The following CCDC106 variants were observed in gnomAD, a reference collection of about 807,000 sequenced individuals.
The protein encoded by CCDC106 is coiled-coil domain-containing protein 106.
In CCDC106, 17 loss-of-function variants were observed where a neutral mutation model predicts 24.7. That is an observed-to-expected ratio of 0.69 (90% CI 0.47 to 1.03). The LOEUF (loss-of-function observed/expected upper bound fraction) is 1.03. CCDC106 is among the 50% of genes least tolerant of loss of function. CCDC106 has a pLI of 0.00. For synonymous variants in CCDC106, 211 were observed against 161.3 expected (o/e 1.31, Z -2.34); for missense variants, 337 against 388.9 (o/e 0.87, Z 1.12).
At position 55,652,319 on chromosome 19, in the gene CCDC106, TGC is replaced by T. The variant is rs1568543250; in HGVS notation, c.527-110_527-109del. On this transcript the variant is annotated intron_variant, in intron 4 of 4. Coordinates refer to ENST00000586790, the MANE Select transcript of CCDC106 (RefSeq NM_001370470.1). This position sits in a 1 kb window ranked among gnomAD's most constrained non-coding sequence, Gnocchi z 5.9. Reference sequence around the variant, plus strand: ...CTCCGTCTCCACCTGCACCGGCCCGTGCCTCTGCTCGCCGAGATCCTTTCTTC... The same window carrying T: ...CTCCGTCTCCACCTGCACCGGCCCGTCTCTGCTCGCCGAGATCCTTTCTTC... The T allele has an allele frequency of 1.1e-6, 1 of 903,422 alleles. No individual in the cohort carries two copies. Among genetic ancestry groups the T allele is most frequent in the African/African-American group, 1.7e-5 (1 of 59,306 alleles). 56.0% of individuals were successfully genotyped at this position (903,422 alleles called of 1,614,324 possible).
At position 55,652,349 on chromosome 19, in the gene CCDC106, A is replaced by C. The variant is rs1983365243; in HGVS notation, c.527-81A>C. On this transcript the variant is annotated intron_variant, in intron 4 of 4. Coordinates refer to ENST00000586790, the MANE Select transcript of CCDC106 (RefSeq NM_001370470.1). This position sits in a 1 kb window ranked among gnomAD's most constrained non-coding sequence, Gnocchi z 5.9. Reference sequence around the variant, plus strand: ...CTGCTCGCCGAGATCCTTTCTTCCCATGGCCGTTTCCCTTCCCGTGTCCGC... The same window carrying C: ...CTGCTCGCCGAGATCCTTTCTTCCCCTGGCCGTTTCCCTTCCCGTGTCCGC... The C allele has an allele frequency of 7.9e-7, 1 of 1,261,496 alleles. No homozygotes were observed. Among genetic ancestry groups the C allele is most frequent in the South Asian group, 1.4e-5 (1 of 70,850 alleles). 78.1% of individuals were successfully genotyped at this position (1,261,496 alleles called of 1,614,324 possible).
At position 55,652,153 on chromosome 19, in the gene CCDC106, G is replaced by A. The variant is rs911467313; in HGVS notation, c.527-277G>A. ...GGCTCGGGGTGTCGGGGGGTGCTGGGACCGCGTGGGTTGAACCCGGCCTCT... is the reference window on the plus strand; with the variant it reads ...GGCTCGGGGTGTCGGGGGGTGCTGGAACCGCGTGGGTTGAACCCGGCCTCT... On this transcript the variant is annotated intron_variant, in intron 4 of 4. Transcript: ENST00000586790. The surrounding 1 kb of genome is among the most constrained non-coding windows in gnomAD (Gnocchi z 5.9). 1.3e-5 allele frequency among the ~76,000 whole-genome samples: 2 copies of A among 151,952 alleles called. No homozygotes were observed. Among genetic ancestry groups the A allele is most frequent in the Non-Finnish European group, 2.9e-5 (2 of 67,976 alleles).
At position 55,651,365 on chromosome 19, in the gene CCDC106, T is replaced by C. The variant is rs748844748; in HGVS notation, c.396T>C (p.Pro132=). 6.2e-6 allele frequency: 10 copies of C among 1,612,648 alleles called. No homozygotes were observed. In the South Asian group the frequency reaches 1.1e-4, roughly 18 times the overall value. Residue 132 remains proline, a synonymous_variant, in exon 4 of 5, where the codon CCT becomes CCC. Transcript: ENST00000586790. ...GGGCTGGGGGCGAGGCCTCGGACCC[T>C]GAGTCAGCAGCCTCCTCCCTCAGCG... ...RGGAGGEASD[P]ESAASSLSGA...
Position 55,651,289 on chromosome 19 carries a change from A to C in CCDC106, c.320A>C (p.His107Pro), listed in dbSNP as rs778154930. The C allele has an allele frequency of 6.2e-7, 1 of 1,612,358 alleles. No homozygotes were observed. Among genetic ancestry groups the C allele is most frequent in the Admixed American group, 1.7e-5 (1 of 60,022 alleles). ...TGTGTCTCCATCTCCCCAGAGGACC[A>C]CTGCCGGATGAAGCCTGGGCCCAGG... ...ISSARMEAED[H>P]CRMKPGPRRM... The change falls in exon 4 of 5, where the codon CAC becomes CCC. Residue 107 changes from histidine (H) to proline (P), a missense_variant. Around this residue, in one of 2 missense-constraint regions of CCDC106, gnomAD observed 234 missense variants for 236.5 expected, o/e 0.99. Transcript: ENST00000586790.
intron 3 of CCDC106, among the ~76,000 whole-genome samples, chr19:55,650,423 A>G (rs1302297669): frequency 2.6e-5 from 4 of 152,130 alleles, no homozygotes; most frequent in Non-Finnish European, 4.4e-5. Flanking sequence ...CCGACAGCCC[A>G]TGGCCTGGAG....
chr19:55,652,400 C>T lies in CCDC106; in HGVS notation c.527-30C>T, dbSNP rs979630047. 1 of 1,562,902 alleles carries T rather than the reference C, an allele frequency of 6.4e-7. No individual in the cohort carries two copies. Among genetic ancestry groups the T allele is most frequent in the Non-Finnish European group, 8.7e-7 (1 of 1,149,152 alleles). ...CCCCTCAGTCTTGTGCCCTGCCCCT[C>T]ACTTTCGTGTCCCCGCCTCCACCCC... On this transcript the variant is annotated intron_variant, in intron 4 of 4. Coordinates refer to ENST00000586790, the MANE Select transcript of CCDC106 (RefSeq NM_001370470.1). The surrounding 1 kb of genome is among the most constrained non-coding windows in gnomAD (Gnocchi z 5.9).
In CCDC106 at chr19:55,648,535, T is replaced by G; in HGVS notation, c.-512T>G. 1.9e-5 allele frequency: 3 copies of G among 156,104 alleles called. No homozygotes were observed. The highest frequency in any genetic ancestry group is 6.1e-5 in the Admixed American group (1 of 16,390). The allele number at this position is 156,104 out of a possible 1,614,324, so 9.7% of individuals were successfully genotyped here. A position where few individuals can be genotyped will look rare whatever the true frequency, so the allele number is the denominator to read the frequency against. On this transcript the variant is annotated 5_prime_UTR_variant, in exon 1 of 5. Coordinates refer to ENST00000586790, the MANE Select transcript of CCDC106 (RefSeq NM_001370470.1). ...CGCCCACGCGAGTGCGGGGGAGGGG[T>G]GTGGGGGCCCCGAAGGTAGAGGAGG...
upstream of CCDC106, chr19:55,648,086 T>C (rs1007437969): frequency 1.3e-5 from 2 of 152,270 alleles, no homozygotes; most frequent in African/African-American, 4.8e-5. Flanking sequence ...GGCGCTAGCC[T>C]GGCCCGACTG....
At chr19:55,647,472 T>C (rs1366767189), upstream of CCDC106, among the ~76,000 whole-genome samples, 1 of 152,322 alleles carries the variant, frequency 6.6e-6, no homozygotes, top group East Asian at 1.9e-4. Context: ...AGCGCTCCTC[T>C]CTTCAGCCCT....
At chr19:55,650,468 C>T (rs928901240) in intron 3 of CCDC106, among the ~76,000 whole-genome samples, 32 of 152,214 alleles carry the variant, frequency 2.1e-4, no homozygotes, top group Admixed American at 1.3e-4. Context: ...CTCATCTCAG[C>T]CTTGCTAGCT....
In CCDC106 at chr19:55,651,381, T is replaced by C. The variant is rs761660396; in HGVS notation, c.412T>C (p.Ser138Pro). Residue 138 changes from serine to proline, a missense_variant, in exon 4 of 5, where the codon TCC (serine) becomes CCC (proline). This residue lies in a region of CCDC106 where 234 missense variants were observed against 236.5 expected (regional missense o/e 0.99). Coordinates refer to ENST00000586790, the MANE Select transcript of CCDC106 (RefSeq NM_001370470.1). ...EASDPESAAS[S>P]LSGASEEGSA... ...CTCGGACCCTGAGTCAGCAGCCTCC[T>C]CCCTCAGCGGAGCGTCCGAAGAAGG... 2 of 1,612,170 alleles carry C rather than the reference T, an allele frequency of 1.2e-6. No homozygotes were observed. Among genetic ancestry groups the C allele is most frequent in the Non-Finnish European group, 1.7e-6 (2 of 1,179,278 alleles).
Position 55,649,225 on chromosome 19 carries a change from G to A in CCDC106, c.52G>A (p.Glu18Lys), listed in dbSNP as rs559216380. The A allele has an allele frequency of 7.4e-6, 12 of 1,613,852 alleles. No individual in the cohort carries two copies. In the South Asian group the frequency reaches 1.1e-4, roughly 15 times the overall value. The stretch of plus-strand genomic sequence containing the variant: ...TCCAGTGAAGGACGATGAGACCTTC[G>A]AGATCTCCATTCCCTTCGATGAGGC... Reference protein sequence around the residue: ...RRTMKDDETFEISIPFDEAPH... With the variant: ...RRTMKDDETFKISIPFDEAPH... The change falls in exon 2 of 5, where the codon GAG becomes AAG. Residue 18 changes from glutamate to lysine, a missense_variant. Glu to Lys is a moderately conservative substitution (Grantham distance 56). Coordinates refer to ENST00000586790, the MANE Select transcript of CCDC106 (RefSeq NM_001370470.1).
chr19:55,652,331 C>T lies in CCDC106; in HGVS notation c.527-99C>T, dbSNP rs1338971259. 3 of 1,094,516 alleles carry T rather than the reference C, an allele frequency of 2.7e-6. No homozygotes were observed. Among genetic ancestry groups the T allele is most frequent in the Non-Finnish European group, 2.6e-6 (2 of 755,386 alleles). The allele number at this position is 1,094,516 out of a possible 1,614,324, so 67.8% of individuals were successfully genotyped here. A position where few individuals can be genotyped will look rare whatever the true frequency, so the allele number is the denominator to read the frequency against. On this transcript the variant is annotated intron_variant, in intron 4 of 4. Coordinates refer to ENST00000586790, the MANE Select transcript of CCDC106 (RefSeq NM_001370470.1). This position sits in a 1 kb window ranked among gnomAD's most constrained non-coding sequence, Gnocchi z 5.9. ...CTGCACCGGCCCGTGCCTCTGCTCG[C>T]CGAGATCCTTTCTTCCCATGGCCGT... is the stretch of plus-strand genomic sequence containing the variant.
intron 4 of CCDC106, 145 bp downstream of exon 4, chr19:55,651,640 T>C: frequency 1.6e-6 from 1 of 618,596 alleles, no homozygotes; most frequent in Non-Finnish European, 2.9e-6. Context: ...CTCCTCCACG[T>C]GTGGTCCTGG....
At position 55,653,014 on chromosome 19, in the gene CCDC106, A is replaced by T. The variant is rs1600061341; in HGVS notation, c.*268A>T. ...CAGGCAGGCGGGTGCCCCCCCCTCG[A>T]GTGGGGGACTGTACAGACCCCGTCT... On this transcript the variant is annotated 3_prime_UTR_variant, in exon 5 of 5. Coordinates refer to ENST00000586790, the MANE Select transcript of CCDC106 (RefSeq NM_001370470.1). 1 of 466,294 alleles carries T rather than the reference A, an allele frequency of 2.1e-6. No homozygotes were observed. The highest frequency in any genetic ancestry group is 4.1e-5 in the East Asian group (1 of 24,432). The allele number at this position is 466,294 out of a possible 1,614,324, so 28.9% of individuals were successfully genotyped here.
intron 3 of CCDC106, among the ~76,000 whole-genome samples, chr19:55,650,055 C>T (rs1004878181): frequency 1.3e-5 from 2 of 152,120 alleles, no homozygotes; most frequent in African/African-American, 2.4e-5. Context: ...TCCTCCTGTC[C>T]CCCCCTCCCC....
rs1983352297 is a variant in CCDC106 at position 55,652,277 on chromosome 19, C to G, written c.527-153C>G. 6.6e-6 allele frequency among the ~76,000 whole-genome samples: 1 copy of G among 151,838 alleles called. No homozygotes were observed. The stretch of plus-strand genomic sequence containing the variant: ...GCGATTCTTCCCCTCCTCTCTGCCC[C>G]TTCCTTGCCTGTTGTTCTCCGTCTC... On this transcript the variant is annotated intron_variant, in intron 4 of 4. Coordinates refer to ENST00000586790, the MANE Select transcript of CCDC106 (RefSeq NM_001370470.1). This position sits in a 1 kb window ranked among gnomAD's most constrained non-coding sequence, Gnocchi z 5.9.
chr19:55,649,836 C>T (rs1236058488), intron 3 of CCDC106, among the ~76,000 whole-genome samples: 2 of 152,174 alleles, frequency 1.3e-5, no homozygotes, highest in African/African-American at 4.8e-5. Context: ...ATCCCATCAG[C>T]CTCCAGTGCC....
rs749842777 is a variant in CCDC106, at chr19:55,652,686, G to C, written c.783G>C (p.Lys261Asn). The change falls in exon 5 of 5, where the codon AAG (lysine) becomes AAC (asparagine). Residue 261 changes from lysine to asparagine, a missense_variant. This residue lies in a region of CCDC106 where 103 missense variants were observed against 152.4 expected (regional missense o/e 0.68). Transcript: ENST00000586790. The surrounding 1 kb of genome is among the most constrained non-coding windows in gnomAD (Gnocchi z 5.9). ...FLALDDETLKKVQALKKSKLL... is the reference protein window; with the variant it reads ...FLALDDETLKNVQALKKSKLL... ...CCCTGGACGACGAGACGCTCAAGAA[G>C]GTGCAGGCGCTCAAGAAGAGCAAGC... The C allele has an allele frequency of 6.2e-7, 1 of 1,613,024 alleles. No homozygotes were observed. Among genetic ancestry groups the C allele is most frequent in the South Asian group, 1.1e-5 (1 of 91,084 alleles).
Sources: gnomAD v4.1 joint callset for allele counts (sites outside exome capture counted in the v4.1 genomes callset) on GRCh38, gnomAD v4.1.1 for gene constraint, gnomAD v4.1.1 regional missense constraint, Gnocchi (gnomAD v3.1) non-coding constraint, MANE v1.5 for transcripts, NCBI Gene and HGNC (gene_info 2026-07-23, HGNC 2026-07-21) for gene names.